Variants in MLLT3 observed in about 807,000 individuals in gnomAD.
MLLT3 encodes MLLT3 super elongation complex subunit, also known as protein AF-9.
Under a neutral mutation model 53.2 loss-of-function variants are expected in MLLT3, and 4 were observed. The observed-to-expected ratio is 0.08, with a 90% CI of 0.04 to 0.17. MLLT3 has a LOEUF of 0.17. Ranked by LOEUF, MLLT3 falls within the 10% of genes least tolerant of loss-of-function variation. The pLI is 1.00. For synonymous variants in MLLT3, 283 were observed against 230.6 expected (o/e 1.23, Z -2.06); for missense variants, 569 against 684.0 (o/e 0.83, Z 1.87).
intron 5 of MLLT3, among the ~76,000 whole-genome samples, chr9:20,403,715 A>G (rs1178265829): frequency 6.6e-6 from 1 of 152,232 alleles, no homozygotes; most frequent in Non-Finnish European, 1.5e-5. Context: ...ATAACGCTGC[A>G]AAATAATGTG....
chr9:20,580,283 A>G (rs991267922), intron 2 of MLLT3, among the ~76,000 whole-genome samples: 2 of 152,180 alleles, frequency 1.3e-5, no homozygotes, highest in African/African-American at 4.8e-5. Context: ...ATGGAAATTA[A>G]TAATAATTTC....
At chr9:20,548,164 T>C (rs1319772896) in intron 2 of MLLT3, among the ~76,000 whole-genome samples, 1 of 152,232 alleles carries the variant, frequency 6.6e-6, no homozygotes, top group East Asian at 1.9e-4. Context: ...TAAAATTAAA[T>C]GAAATTTAGA....
chr9:20,487,807 C>T (rs1824851628), intron 2 of MLLT3, among the ~76,000 whole-genome samples: 1 of 152,092 alleles, frequency 6.6e-6, no homozygotes, highest in Non-Finnish European at 1.5e-5. Flanking sequence ...ATAGACTAAA[C>T]ATTCAAGATG....
At chr9:20,595,489 G>A (rs1367753982) in intron 2 of MLLT3, among the ~76,000 whole-genome samples, 1 of 151,880 alleles carries the variant, frequency 6.6e-6, no homozygotes, top group African/African-American at 2.4e-5. Flanking sequence ...ATCAGACACA[G>A]GAAACATTTG....
chr9:20,469,523 G>C (rs1434294656), intron 2 of MLLT3, among the ~76,000 whole-genome samples: 1 of 152,050 alleles, frequency 6.6e-6, no homozygotes, highest in East Asian at 1.9e-4. Context: ...ATGAAAGATA[G>C]GTTGATGAAT....
At chr9:20,562,342 C>A (rs1819238365) in intron 2 of MLLT3, among the ~76,000 whole-genome samples, 1 of 151,988 alleles carries the variant, frequency 6.6e-6, no homozygotes, top group Non-Finnish European at 1.5e-5. Flanking sequence ...ACCTCTACCA[C>A]CACCATCATT....
At chr9:20,351,032 G>C (rs181335023) in intron 10 of MLLT3, among the ~76,000 whole-genome samples, 1 of 152,126 alleles carries the variant, frequency 6.6e-6, no homozygotes, top group Non-Finnish European at 1.5e-5. Flanking sequence ...TGGAAAGCAC[G>C]GACAACCACC....
chr9:20,408,833 G>A (rs997225444), intron 5 of MLLT3, among the ~76,000 whole-genome samples: 2 of 152,140 alleles, frequency 1.3e-5, no homozygotes, highest in African/African-American at 4.8e-5. Flanking sequence ...TGAACAGGGT[G>A]GGGCGGGAGG....
chr9:20,466,024 A>G (rs1285177304), intron 2 of MLLT3, among the ~76,000 whole-genome samples: 1 of 152,152 alleles, frequency 6.6e-6, no homozygotes, highest in African/African-American at 2.4e-5. Flanking sequence ...CATCCTTGCA[A>G]GCTGTTTAAG....
intron 5 of MLLT3, among the ~76,000 whole-genome samples, chr9:20,387,919 C>A (rs764361095): frequency 6.6e-6 from 1 of 152,150 alleles, no homozygotes; most frequent in Non-Finnish European, 1.5e-5. Flanking sequence ...GTTCTATAAA[C>A]AGAAATACAG....
intron 2 of MLLT3, among the ~76,000 whole-genome samples, chr9:20,487,881 A>T (rs1824853541): frequency 6.6e-6 from 1 of 152,172 alleles, no homozygotes; most frequent in African/African-American, 2.4e-5. Flanking sequence ...GATGAATATC[A>T]GTAAAACTCA....
chr9:20,477,813 T>C (rs1824563985), intron 2 of MLLT3, among the ~76,000 whole-genome samples: 1 of 152,110 alleles, frequency 6.6e-6, no homozygotes, highest in Non-Finnish European at 1.5e-5. Context: ...TACCCTAAAA[T>C]GAGATGACCA....
intron 2 of MLLT3, among the ~76,000 whole-genome samples, chr9:20,547,132 T>C (rs1408137154): frequency 2.0e-5 from 3 of 152,182 alleles, no homozygotes; most frequent in Non-Finnish European, 4.4e-5. Flanking sequence ...TTATTTAATA[T>C]ACCAAAAATA....
intron 5 of MLLT3, among the ~76,000 whole-genome samples, chr9:20,401,155 C>G (rs1822443995): frequency 6.6e-6 from 1 of 152,126 alleles, no homozygotes; most frequent in Non-Finnish European, 1.5e-5. Context: ...ATTTTCACAG[C>G]ACCAATCACT....
At chr9:20,388,056 A>T (rs1340669078) in intron 5 of MLLT3, among the ~76,000 whole-genome samples, 1 of 152,198 alleles carries the variant, frequency 6.6e-6, no homozygotes, top group Non-Finnish European at 1.5e-5. Flanking sequence ...TATGAAGATC[A>T]GTATTTTGAT....
chr9:20,462,875 A>G (rs1419498452), intron 2 of MLLT3, among the ~76,000 whole-genome samples: 1 of 152,098 alleles, frequency 6.6e-6, no homozygotes, highest in East Asian at 1.9e-4. Flanking sequence ...ACAGTTGAGG[A>G]TAAAGTATAC....
intron 2 of MLLT3, among the ~76,000 whole-genome samples, chr9:20,475,990 C>T (rs1282051929): frequency 1.3e-5 from 2 of 152,018 alleles, no homozygotes; most frequent in Non-Finnish European, 2.9e-5. Flanking sequence ...AAAGTTTTCC[C>T]AGTTATTCCA....
At chr9:20,536,147 C>T (rs74945755) in intron 2 of MLLT3, among the ~76,000 whole-genome samples, 4,505 of 151,662 alleles carry the variant, frequency 0.03, 244 homozygotes, top group African/African-American at 0.1. Flanking sequence ...TTCAGCCATG[C>T]GACTACCATT....
intron 5 of MLLT3, among the ~76,000 whole-genome samples, chr9:20,400,657 G>C (rs1822431726): frequency 6.6e-6 from 1 of 152,002 alleles, no homozygotes; most frequent in Admixed American, 6.6e-5. Context: ...TGTTGAAGCT[G>C]AGTGATGGTC....
Sources: allele counts gnomAD v4.1 joint callset (sites outside exome capture counted in the v4.1 genomes callset), GRCh38; gene constraint gnomAD v4.1.1; transcripts MANE v1.5; gene names NCBI Gene and HGNC (gene_info 2026-07-23, HGNC 2026-07-21).